PACS2: variants seen among roughly 807,000 people sequenced by gnomAD.
PACS2 encodes PACS1-like protein.
A neutral mutation model predicts 113.0 loss-of-function variants in PACS2; 36 were observed. The observed-to-expected ratio is 0.32, with a 90% confidence interval of 0.24 to 0.42. The LOEUF (loss-of-function observed/expected upper bound fraction) is 0.42. PACS2 is among the 10% of genes least tolerant of loss of function. The probability of loss-of-function intolerance (pLI) is 1.00; values close to 1 mark genes in which losing one functional copy is unlikely to be tolerated. For missense variants in PACS2, 1,015 were observed against 1,239.5 expected, an observed-to-expected ratio of 0.82 and a Z score of 2.72; for synonymous variants, 589 against 536.1, an observed-to-expected ratio of 1.10 and a Z score of -1.36.
At chr14:105,383,684 T>A in intron 16 of PACS2, 171 bp downstream of exon 16, 1 of 588,620 alleles carries the variant, frequency 1.7e-6, no homozygotes, top group Non-Finnish European at 3.0e-6. Context: ...ACACATTTGT[T>A]GTTTTTAAAT....
chr14:105,314,734 G>A (rs2058485677), upstream of PACS2: 2 of 145,336 alleles, frequency 1.4e-5, no homozygotes, highest in Non-Finnish European at 3.0e-5. Context: ...CGGGCGGGGC[G>A]GGGCGGAGCG....
At chr14:105,392,112 G>C (rs28421676) in intron 22 of PACS2, 13,026 of 369,204 alleles carry the variant, frequency 0.035, 1,622 homozygotes, top group African/African-American at 0.26. Context: ...CTCATGGGAT[G>C]AGCTTCGATA....
At chr14:105,304,616 C>T (rs1322009819) in intron 1 of PACS2, among the ~76,000 whole-genome samples, 1 of 152,212 alleles carries the variant, frequency 6.6e-6, no homozygotes, top group Non-Finnish European at 1.5e-5. Flanking sequence ...GTGCTATGGT[C>T]TGAATGTGCA....
intron 1 of PACS2, among the ~76,000 whole-genome samples, chr14:105,339,245 G>T (rs2059634783): frequency 1.3e-5 from 2 of 152,166 alleles, no homozygotes; most frequent in African/African-American, 4.8e-5. Flanking sequence ...GGTGGCTCAT[G>T]CCTGTAACCC....
chr14:105,391,683 G>A lies in PACS2; in HGVS notation c.2172G>A (p.Pro724=), dbSNP rs147560207. 2.1e-5 allele frequency: 34 copies of A among 1,608,164 alleles called. No individual in the cohort carries two copies. The highest frequency in any genetic ancestry group is 2.5e-5 in the Non-Finnish European group (29 of 1,178,298). ...GCTCTGGCACGCTCTCCTCCACCCCGCCGTCCGCATCTCCTGCGGCCAAGG... is the reference window on the plus strand; with the variant it reads ...GCTCTGGCACGCTCTCCTCCACCCCACCGTCCGCATCTCCTGCGGCCAAGG... ...PSGSGTLSST[P]PSASPAAKEA... Residue 724 remains proline, a synonymous_variant, in exon 22 of 25, where the codon CCG becomes CCA. Transcript: ENST00000447393.
intron 7 of PACS2, 39 bp downstream of exon 7, chr14:105,368,578 AG>A (rs782363413): frequency 6.6e-7 from 1 of 1,507,740 alleles, no homozygotes; most frequent in East Asian, 2.3e-5. Flanking sequence ...GGGGAAGGCG[AG>A]GGTCGGGGAG....
chr14:105,390,688 G>A (rs183895619), intron 20 of PACS2: 4 of 181,272 alleles, frequency 2.2e-5, no homozygotes, highest in South Asian at 1.2e-4. Context: ...GCTCTGGGGC[G>A]ATGGCTGGCC....
In PACS2 at chr14:105,323,613, A is replaced by T. The variant is rs1269694215; in HGVS notation, c.119+8576A>T. ...TCGCTGGACTATTTCAAGTGTGTGTATTTGGGAGAGCAGTGCTGCTGGAGT... is the reference window on the plus strand; with the variant it reads ...TCGCTGGACTATTTCAAGTGTGTGTTTTTGGGAGAGCAGTGCTGCTGGAGT... On this transcript the variant is annotated intron_variant, in intron 1 of 24. Transcript: ENST00000447393. This position sits in a 1 kb window ranked among gnomAD's most constrained non-coding sequence, Gnocchi z 4.1. Among the ~76,000 whole-genome samples the T allele has an allele frequency of 6.6e-6, 1 of 152,132 alleles. No homozygotes were observed. The highest frequency in any genetic ancestry group is 2.4e-5 in the African/African-American group (1 of 41,432).
Position 105,385,190 on chromosome 14 carries a change from G to A in PACS2, c.2000+203G>A, listed in dbSNP as rs117874407. On this transcript the variant is annotated intron_variant, in intron 18 of 24. Coordinates refer to ENST00000447393, the MANE Select transcript of PACS2 (RefSeq NM_001100913.3). ...GCACCCCAGATCCCTCATAGTAAGC[G>A]CCATTTCCGCACCTGTTTCTGTGCA... Among the ~76,000 whole-genome samples, 120 of 152,290 alleles carry A rather than the reference G, an allele frequency of 7.9e-4. 10 individuals carry two copies. The East Asian group carries it at 0.021, about 27-fold the overall frequency.
chr14:105,382,152 A>C, intron 13 of PACS2, 94 bp downstream of exon 13: 1 of 1,342,394 alleles, frequency 7.4e-7, no homozygotes, highest in Non-Finnish European at 1.0e-6. Context: ...ACAGGGGGCC[A>C]AGGGTGCTGG....
Position 105,394,788 on chromosome 14 carries a change from C to T in PACS2, c.*116C>T. The T allele has an allele frequency of 2.6e-6, 2 of 754,828 alleles. No homozygotes were observed. Among genetic ancestry groups the T allele is most frequent in the South Asian group, 3.0e-5 (2 of 67,348 alleles). 46.8% of individuals were successfully genotyped at this position (754,828 alleles called of 1,614,324 possible). A position where few individuals can be genotyped will look rare whatever the true frequency, so the allele number is the denominator to read the frequency against. ...CGCTTAAAACACAAAGAGAAACAGT[C>T]TTAAGTATGAATGTGCTCACAACGT... On this transcript the variant is annotated 3_prime_UTR_variant, in exon 25 of 25. Coordinates refer to ENST00000447393, the MANE Select transcript of PACS2 (RefSeq NM_001100913.3).
At chr14:105,333,027 C>T (rs1053539609) in intron 1 of PACS2, among the ~76,000 whole-genome samples, 12 of 152,152 alleles carry the variant, frequency 7.9e-5, no homozygotes, top group South Asian at 6.2e-4. Flanking sequence ...CTCTGTGGGA[C>T]GTGTGCTGGG....
chr14:105,323,606 T>G lies in PACS2; in HGVS notation c.119+8569T>G, dbSNP rs1173653712. Among the ~76,000 whole-genome samples, 1 of 152,104 alleles carries G rather than the reference T, an allele frequency of 6.6e-6. No homozygotes were observed. The highest frequency in any genetic ancestry group is 2.1e-4 in the South Asian group (1 of 4,828). On this transcript the variant is annotated intron_variant, in intron 1 of 24. Transcript: ENST00000447393. The surrounding 1 kb of genome is among the most constrained non-coding windows in gnomAD (Gnocchi z 4.1). ...GGGGAAGTCGCTGGACTATTTCAAG[T>G]GTGTGTATTTGGGAGAGCAGTGCTG...
At chr14:105,370,201 T>G in intron 8 of PACS2, 1 of 279,658 alleles carries the variant, frequency 3.6e-6, no homozygotes, top group Non-Finnish European at 6.8e-6. Flanking sequence ...AGACTTTAGT[T>G]TTTAGAGCAG....
In PACS2 at chr14:105,355,631, G is replaced by A. The variant is rs1374071311; in HGVS notation, c.423+454G>A. On this transcript the variant is annotated intron_variant, in intron 4 of 24. Coordinates refer to ENST00000447393, the MANE Select transcript of PACS2 (RefSeq NM_001100913.3). This position sits in a 1 kb window ranked among gnomAD's most constrained non-coding sequence, Gnocchi z 4.1. ...GTGTCAGTTCTGTGAAGGGGCTAGC[G>A]ACAATACCCGAGCAGGGCGGGGGCA... is the stretch of plus-strand genomic sequence containing the variant. Among the ~76,000 whole-genome samples, 4 of 152,232 alleles carry A rather than the reference G, an allele frequency of 2.6e-5. No individual in the cohort carries two copies. Among genetic ancestry groups the A allele is most frequent in the African/African-American group, 4.8e-5 (2 of 41,458 alleles).
chr14:105,352,305 G>A (rs1258723594), intron 2 of PACS2, 73 bp from the exon 3 acceptor site: 1 of 949,466 alleles, frequency 1.1e-6, no homozygotes, highest in Non-Finnish European at 1.7e-6. Context: ...GAGTGCAGGA[G>A]TCACGGTGTC....
intron 5 of PACS2, among the ~76,000 whole-genome samples, chr14:105,367,766 C>T (rs1249403606): frequency 2.6e-5 from 4 of 152,232 alleles, no homozygotes; most frequent in East Asian, 1.9e-4. Flanking sequence ...GAGACCCAGT[C>T]GGTGCAAATC....
intron 15 of PACS2, 63 bp from the exon 16 acceptor site, chr14:105,383,296 G>A (rs782796820): frequency 6.3e-7 from 1 of 1,578,110 alleles, no homozygotes; most frequent in Admixed American, 1.7e-5. Flanking sequence ...GGCATCCTTG[G>A]ATGGAGGACG....
rs1555407642 is a variant in PACS2 at position 105,365,140 on chromosome 14, A to G, written c.424-2073A>G. On this transcript the variant is annotated intron_variant, in intron 4 of 24. Transcript: ENST00000447393. This position sits in a 1 kb window ranked among gnomAD's most constrained non-coding sequence, Gnocchi z 5.1. ...CTTTGCTGAGGATTGCAGAGCATCC[A>G]CAGAGCATCTGCTGGACTAACCCGG... is the stretch of plus-strand genomic sequence containing the variant. Among the ~76,000 whole-genome samples the G allele has an allele frequency of 6.6e-6, 1 of 152,150 alleles. No homozygotes were observed. The highest frequency in any genetic ancestry group is 1.5e-5 in the Non-Finnish European group (1 of 68,020).
Sources: gnomAD v4.1 joint callset for allele counts (sites outside exome capture counted in the v4.1 genomes callset) on GRCh38, gnomAD v4.1.1 for gene constraint, Gnocchi (gnomAD v3.1) non-coding constraint, MANE v1.5 for transcripts, NCBI Gene and HGNC (gene_info 2026-07-23, HGNC 2026-07-21) for gene names.